Variants in CADM4 observed in about 807,000 individuals in gnomAD.
The protein encoded by CADM4 is cell adhesion molecule 4.
A neutral mutation model predicts 43.9 loss-of-function variants in CADM4; 13 were observed. The observed-to-expected ratio is 0.30, with a 90% CI of 0.19 to 0.47. The LOEUF is 0.47. Ranked by LOEUF, CADM4 falls within the 20% of genes least tolerant of loss-of-function variation. The pLI, the probability that CADM4 is intolerant of heterozygous loss-of-function variation, is 1.00. For missense variants in CADM4, 420 were observed against 527.0 expected (o/e 0.80, Z 1.99); for synonymous variants, 209 against 220.9 (o/e 0.95, Z 0.48).
intron 1 of CADM4, 46 bp downstream of exon 1, chr19:43,639,681 G>T: frequency 1.0e-6 from 1 of 964,864 alleles, no homozygotes; most frequent in Non-Finnish European, 1.2e-6. Flanking sequence ...ACCACAGCGC[G>T]CCCCCCGCCC....
chr19:43,631,153 C>G lies in CADM4; in HGVS notation c.65-3363G>C, dbSNP rs374836354. Reference sequence around the variant, plus strand: ...GTCAGGAGTTCGAGACCAGCCTGACCAACATGGTGAAACCCCGTCTGTACT... The same window carrying G: ...GTCAGGAGTTCGAGACCAGCCTGACGAACATGGTGAAACCCCGTCTGTACT... On this transcript the variant is annotated intron_variant, in intron 1 of 8. Transcript: ENST00000222374. Among the ~76,000 whole-genome samples, 7 of 152,098 alleles carry G rather than the reference C, an allele frequency of 4.6e-5. No individual in the cohort carries two copies. In the East Asian group the frequency reaches 9.7e-4, roughly 21 times the overall value.
At chr19:43,624,948 G>T in intron 7 of CADM4, 130 bp downstream of exon 7, 1 of 1,040,278 alleles carries the variant, frequency 9.6e-7, no homozygotes, top group Non-Finnish European at 1.4e-6. Context: ...CCGCGGGCCA[G>T]TCTGGTCCCA....
intron 1 of CADM4, among the ~76,000 whole-genome samples, chr19:43,632,608 C>T (rs143245436): frequency 1.3e-3 from 203 of 152,140 alleles, no homozygotes; most frequent in African/African-American, 4.7e-3. Flanking sequence ...CTCGCTCCCA[C>T]CACAGGGCCT....
intron 1 of CADM4, among the ~76,000 whole-genome samples, chr19:43,631,876 T>C (rs1973630702): frequency 6.6e-6 from 1 of 152,198 alleles, no homozygotes; most frequent in Non-Finnish European, 1.5e-5. Context: ...ACTTCTTTTA[T>C]GTTTTAGTGT....
chr19:43,624,989 C>A (rs1353079131), intron 7 of CADM4, 89 bp downstream of exon 7: 3 of 1,355,826 alleles, frequency 2.2e-6, no homozygotes, highest in Non-Finnish European at 3.0e-6. Context: ...GCTGCCGAAC[C>A]CCTGAGTTAT....
At chr19:43,637,311 C>T (rs981217336) in intron 1 of CADM4, among the ~76,000 whole-genome samples, 1 of 152,122 alleles carries the variant, frequency 6.6e-6, no homozygotes, top group Non-Finnish European at 1.5e-5. Flanking sequence ...ACAACAGATA[C>T]CCCCTAAAAT....
chr19:43,626,877 C>T lies in CADM4; in HGVS notation c.406G>A (p.Val136Ile), dbSNP rs1202077772. ...CTGAGCTCCACCTCGCCGCCCTCTACCGCCTGCTCCCGGACCTCCACCACA... is the reference window on the plus strand; with the variant it reads ...CTGAGCTCCACCTCGCCGCCCTCTATCGCCTGCTCCCGGACCTCCACCACA... ...NPVVEVREQA[V>I]EGGEVELSCL... Residue 136 changes from valine (V) to isoleucine (I), a missense_variant, in exon 4 of 9, where the codon GTA becomes ATA. Physicochemically the swap from Val to Ile is conservative, Grantham distance 29. Transcript: ENST00000222374. This position sits in a 1 kb window ranked among gnomAD's most constrained non-coding sequence, Gnocchi z 5.9. 8 of 1,608,460 alleles carry T rather than the reference C, an allele frequency of 5.0e-6. No individual in the cohort carries two copies. Among genetic ancestry groups the T allele is most frequent in the Non-Finnish European group, 6.8e-6 (8 of 1,178,546 alleles).
chr19:43,630,283 T>TC (rs1973600234), intron 1 of CADM4, among the ~76,000 whole-genome samples: 1 of 126,360 alleles, frequency 7.9e-6, no homozygotes, highest in Non-Finnish European at 1.6e-5. Context: ...TTTCTTTTCT[T>TC]TTTTTTTTTT....
Position 43,626,389 on chromosome 19 carries a change from C to A in CADM4, c.500-101G>T. On this transcript the variant is annotated intron_variant, in intron 4 of 8. Coordinates refer to ENST00000222374, the MANE Select transcript of CADM4 (RefSeq NM_145296.2). This position sits in a 1 kb window ranked among gnomAD's most constrained non-coding sequence, Gnocchi z 5.9. ...GCAGGCTATTTGCCAAGCTCCACCC[C>A]TTACCCACAGGCCCCGCCTCTTGTC... 1 of 1,425,698 alleles carries A rather than the reference C, an allele frequency of 7.0e-7. No homozygotes were observed. The highest frequency in any genetic ancestry group is 9.5e-7 in the Non-Finnish European group (1 of 1,051,818). The allele number at this position is 1,425,698 out of a possible 1,614,324, so 88.3% of individuals were successfully genotyped here. A position where few individuals can be genotyped will look rare whatever the true frequency, so the allele number is the denominator to read the frequency against.
At chr19:43,638,098 G>A (rs1274693694) in intron 1 of CADM4, among the ~76,000 whole-genome samples, 1 of 152,210 alleles carries the variant, frequency 6.6e-6, no homozygotes, top group Admixed American at 6.5e-5. Flanking sequence ...AAGAAAGGAG[G>A]TAATGATGCA....
At position 43,626,111 on chromosome 19, in the gene CADM4, G is replaced by A. The variant is rs773252600; in HGVS notation, c.664+13C>T. 1 of 1,613,180 alleles carries A rather than the reference G, an allele frequency of 6.2e-7. No homozygotes were observed. The highest frequency in any genetic ancestry group is 1.1e-5 in the South Asian group (1 of 90,958). On this transcript the variant is annotated intron_variant, in intron 5 of 8. Coordinates refer to ENST00000222374, the MANE Select transcript of CADM4 (RefSeq NM_145296.2). The surrounding 1 kb of genome is among the most constrained non-coding windows in gnomAD (Gnocchi z 5.9). ...GTTGGGATCCCTTGGGTCCTGGCCC[G>A]CCGGTCACTTACACTGCACATCCAG...
chr19:43,632,160 G>A (rs147284142), intron 1 of CADM4, among the ~76,000 whole-genome samples: 3 of 152,096 alleles, frequency 2.0e-5, no homozygotes, highest in Non-Finnish European at 4.4e-5. Flanking sequence ...CCACCTGGTT[G>A]CTCAGGTCAA....
At position 43,632,822 on chromosome 19, in the gene CADM4, G is replaced by A. The variant is rs527976167; in HGVS notation, c.65-5032C>T. Among the ~76,000 whole-genome samples the A allele has an allele frequency of 8.7e-4, 133 of 152,030 alleles. 2 individuals carry two copies. Among genetic ancestry groups the A allele is most frequent in the Non-Finnish European group, 1.6e-3 (110 of 67,990 alleles). On this transcript the variant is annotated intron_variant, in intron 1 of 8. Coordinates refer to ENST00000222374, the MANE Select transcript of CADM4 (RefSeq NM_145296.2). ...AAGTCAGCCCAGTGCGGTGGCTCAC[G>A]CCTGTAATACCAGCACTTTTGAGAG...
chr19:43,623,469 G>T lies in CADM4; in HGVS notation c.1058-30C>A. On this transcript the variant is annotated intron_variant, in intron 8 of 8. Coordinates refer to ENST00000222374, the MANE Select transcript of CADM4 (RefSeq NM_145296.2). The surrounding 1 kb of genome is among the most constrained non-coding windows in gnomAD (Gnocchi z 4.4). ...GGGGGTGACAGACCCCCGGGGCAGG[G>T]GGGACATATTTGTGGATCCAGGAGT... 7.0e-7 allele frequency: 1 copy of T among 1,422,902 alleles called. No individual in the cohort carries two copies. Among genetic ancestry groups the T allele is most frequent in the Non-Finnish European group, 9.9e-7 (1 of 1,006,120 alleles). The allele number at this position is 1,422,902 out of a possible 1,614,324, so 88.1% of individuals were successfully genotyped here.
upstream of CADM4, among the ~76,000 whole-genome samples, chr19:43,641,868 C>T (rs1308664183): frequency 6.6e-6 from 1 of 152,148 alleles, no homozygotes; most frequent in East Asian, 1.9e-4. Flanking sequence ...TGCCTTTTCC[C>T]GCAGGAGCCA....
At chr19:43,631,285 G>A (rs753755535) in intron 1 of CADM4, among the ~76,000 whole-genome samples, 1 of 151,700 alleles carries the variant, frequency 6.6e-6, no homozygotes, top group Non-Finnish European at 1.5e-5. Flanking sequence ...AGGTTGCAGT[G>A]AGCCAAGATC....
rs1973750336 is a variant in CADM4, at chr19:43,639,773, G to A, written c.18C>T (p.Arg6=). The part of the protein sequence containing the change: MGRAR[R]FQWPLLLLWA... ...ACAGCAGCAGCAGCGGCCACTGGAA[G>A]CGCCGGGCCCGGCCCATGGTGCCGC... Residue 6 remains arginine, a synonymous_variant, in exon 1 of 9, where the codon CGC becomes CGT. Transcript: ENST00000222374. 2.0e-6 allele frequency: 2 copies of A among 1,023,052 alleles called. No homozygotes were observed. Among genetic ancestry groups the A allele is most frequent in the Non-Finnish European group, 2.3e-6 (2 of 853,054 alleles). 63.4% of individuals were successfully genotyped at this position (1,023,052 alleles called of 1,614,324 possible).
intron 7 of CADM4, chr19:43,624,754 C>T: frequency 2.8e-6 from 1 of 355,762 alleles, no homozygotes; most frequent in Non-Finnish European, 5.1e-6. Context: ...CGTCATAGAG[C>T]TAAACACAGA....
intron 1 of CADM4, among the ~76,000 whole-genome samples, chr19:43,638,600 C>T (rs1973732044): frequency 6.6e-6 from 1 of 152,162 alleles, no homozygotes; most frequent in Admixed American, 6.5e-5. Context: ...TGACCTTGTC[C>T]CCATTCTCAG....
Sources: allele counts gnomAD v4.1 joint callset (sites outside exome capture counted in the v4.1 genomes callset), GRCh38; gene constraint gnomAD v4.1.1; non-coding constraint Gnocchi (gnomAD v3.1); transcripts MANE v1.5; gene names NCBI Gene and HGNC (gene_info 2026-07-23, HGNC 2026-07-21).